The following SLC4A4 variants were observed in gnomAD, a reference collection of about 807,000 sequenced individuals.
The protein encoded by SLC4A4 is electrogenic sodium bicarbonate cotransporter 1.
In SLC4A4, 27 loss-of-function variants were observed where a neutral mutation model predicts 111.5. The ratio of observed to expected loss-of-function variants is 0.24; its 90% CI spans 0.18 to 0.33. The LOEUF (loss-of-function observed/expected upper bound fraction) is 0.33. Among genes scored for constraint, SLC4A4 ranks in the 10% least tolerant of loss-of-function variants. SLC4A4 has a pLI of 1.00. For missense variants in SLC4A4, 909 were observed against 1,315.5 expected, an observed-to-expected ratio of 0.69 and a Z score of 4.78; for synonymous variants, 443 against 463.4, an observed-to-expected ratio of 0.96 and a Z score of 0.57.
At position 71,380,535 on chromosome 4, in the gene SLC4A4, G is replaced by T. The variant is rs186822629; in HGVS notation, c.731-17042G>T. ...GTAATAGAGGTCATTTCCCAGGAAA[G>T]CTTTAAAGAGAATGGCTGCTCCATG... is the stretch of plus-strand genomic sequence containing the variant. On this transcript the variant is annotated intron_variant, in intron 6 of 25. Coordinates refer to ENST00000264485, the MANE Select transcript of SLC4A4 (RefSeq NM_001098484.3). Among the ~76,000 whole-genome samples the T allele has an allele frequency of 8.5e-5, 13 of 152,298 alleles. No individual in the cohort carries two copies. The East Asian group carries it at 2.1e-3, about 25-fold the overall frequency.
At chr4:71,354,542 T>G (rs1730116389) in intron 5 of SLC4A4, among the ~76,000 whole-genome samples, 1 of 152,192 alleles carries the variant, frequency 6.6e-6, no homozygotes. Context: ...ATATATTATC[T>G]TAGTTAATCT....
At chr4:71,145,294 A>C (rs1744130958) in intron 2 of SLC4A4, among the ~76,000 whole-genome samples, 1 of 152,192 alleles carries the variant, frequency 6.6e-6, no homozygotes, top group African/African-American at 2.4e-5. Flanking sequence ...CCAGGGATGA[A>C]GCCCACTTGA....
At chr4:71,228,009 A>T (rs1240031551) in intron 1 of SLC4A4, among the ~76,000 whole-genome samples, 1 of 152,186 alleles carries the variant, frequency 6.6e-6, no homozygotes, top group African/African-American at 2.4e-5. Context: ...TGGTCCATTA[A>T]AAATATTAAG....
intron 2 of SLC4A4, among the ~76,000 whole-genome samples, chr4:71,179,135 C>T (rs1745197783): frequency 1.3e-5 from 2 of 152,114 alleles, no homozygotes; most frequent in South Asian, 4.1e-4. Flanking sequence ...GCAGAAAAGG[C>T]CTTTGACAAA....
At chr4:71,522,628 C>T (rs977288624) in intron 16 of SLC4A4, among the ~76,000 whole-genome samples, 2 of 152,164 alleles carry the variant, frequency 1.3e-5, no homozygotes, top group African/African-American at 4.8e-5. Flanking sequence ...GTAACAGGCC[C>T]AAGAATGCCA....
intron 1 of SLC4A4, among the ~76,000 whole-genome samples, chr4:71,078,237 T>A (rs927551482): frequency 1.3e-5 from 2 of 152,014 alleles, no homozygotes; most frequent in African/African-American, 4.8e-5. Flanking sequence ...TCATTCATTA[T>A]TTATTTATTT....
chr4:71,337,972 G>C (rs1418307651), intron 3 of SLC4A4, among the ~76,000 whole-genome samples: 3 of 151,882 alleles, frequency 2.0e-5, no homozygotes, highest in Non-Finnish European at 4.4e-5. Context: ...TGGGAATACA[G>C]GCACACGCCA....
chr4:71,270,760 T>A (rs1225281268), intron 3 of SLC4A4, among the ~76,000 whole-genome samples: 1 of 152,204 alleles, frequency 6.6e-6, no homozygotes, highest in African/African-American at 2.4e-5. Flanking sequence ...GGTTCCCACA[T>A]TATAAGCCCC....
intron 6 of SLC4A4, among the ~76,000 whole-genome samples, chr4:71,395,541 G>A (rs945503921): frequency 2.0e-5 from 3 of 152,074 alleles, no homozygotes; most frequent in Non-Finnish European, 4.4e-5. Context: ...TTTCAGAAAT[G>A]CGAAGAATGA....
At chr4:71,402,308 C>T (rs138919928) in intron 7 of SLC4A4, among the ~76,000 whole-genome samples, 1 of 152,150 alleles carries the variant, frequency 6.6e-6, no homozygotes, top group South Asian at 2.1e-4. Flanking sequence ...AGTGAGTCAA[C>T]CAAGTCCACT....
intron 18 of SLC4A4, among the ~76,000 whole-genome samples, chr4:71,542,062 C>G (rs1166150208): frequency 6.6e-6 from 1 of 151,966 alleles, no homozygotes. Flanking sequence ...CTGACATAAC[C>G]ATTTGCATTC....
intron 3 of SLC4A4, among the ~76,000 whole-genome samples, chr4:71,277,598 C>T (rs201657525): frequency 6.9e-6 from 1 of 145,430 alleles, no homozygotes; most frequent in Non-Finnish European, 1.5e-5. Flanking sequence ...CTTTCTTTCT[C>T]TCTCTCTCCT....
At chr4:71,405,742 A>G (rs1383960661) in intron 7 of SLC4A4, among the ~76,000 whole-genome samples, 1 of 152,166 alleles carries the variant, frequency 6.6e-6, no homozygotes, top group African/African-American at 2.4e-5. Context: ...TTTATTCTTT[A>G]TGTTTCACTC....
In SLC4A4 at chr4:71,154,527, C is replaced by G. The variant is rs1258618599; in HGVS notation, c.-2+61735C>G. 2.0e-5 allele frequency among the ~76,000 whole-genome samples: 3 copies of G among 151,304 alleles called. 1 individual carries two copies. The highest frequency in any genetic ancestry group is 7.4e-5 in the African/African-American group (3 of 40,694). ...GAGGATGCAGTAAAGAATTACCTGC[C>G]CTTCCAGTGTACAATCAACAAAGAA... is the stretch of plus-strand genomic sequence containing the variant. On this transcript the variant is annotated intron_variant, in intron 2 of 26. Coordinates refer to the SLC4A4 transcript ENST00000649996.
At chr4:71,080,399 C>A (rs1317741575) in intron 1 of SLC4A4, among the ~76,000 whole-genome samples, 2 of 152,028 alleles carry the variant, frequency 1.3e-5, no homozygotes, top group African/African-American at 4.8e-5. Flanking sequence ...AGGCATGATT[C>A]CTGATATGGG....
At chr4:71,382,262 A>G (rs1401638755) in intron 6 of SLC4A4, among the ~76,000 whole-genome samples, 6 of 152,070 alleles carry the variant, frequency 3.9e-5, no homozygotes, top group Non-Finnish European at 8.8e-5. Flanking sequence ...TGGTGAGGAT[A>G]TAGTCCTCTT....
At chr4:71,220,624 C>CA (rs1718685719) in intron 1 of SLC4A4, among the ~76,000 whole-genome samples, 1 of 152,180 alleles carries the variant, frequency 6.6e-6, no homozygotes, top group African/African-American at 2.4e-5. Context: ...ATTAGCATCT[C>CA]AACCCATGTG....
At chr4:71,106,241 T>C (rs1742915019) in intron 2 of SLC4A4, among the ~76,000 whole-genome samples, 1 of 147,764 alleles carries the variant, frequency 6.8e-6, no homozygotes, top group South Asian at 2.2e-4. Context: ...TCACACCAGT[T>C]AGAAAGGCAA....
Position 71,567,962 on chromosome 4 carries a change from T to C in SLC4A4, c.*211T>C. The C allele has an allele frequency of 4.2e-6, 4 of 956,302 alleles. No individual in the cohort carries two copies. In the South Asian group the frequency reaches 6.2e-5, roughly 15 times the overall value. 59.2% of individuals were successfully genotyped at this position (956,302 alleles called of 1,614,324 possible). A position where few individuals can be genotyped will look rare whatever the true frequency, so the allele number is the denominator to read the frequency against. On this transcript the variant is annotated 3_prime_UTR_variant, in exon 26 of 26. Coordinates refer to ENST00000264485, the MANE Select transcript of SLC4A4 (RefSeq NM_001098484.3). ...TTGTTTTTGTTTGGCTGTTTGTTTA[T>C]TTTTTAACTTTTATTTCGTCTCAGT...
Sources: gnomAD v4.1 joint callset for allele counts (sites outside exome capture counted in the v4.1 genomes callset) on GRCh38, gnomAD v4.1.1 for gene constraint, MANE v1.5 for transcripts, NCBI Gene and HGNC (gene_info 2026-07-23, HGNC 2026-07-21) for gene names.